The following PTPRD variants were observed in gnomAD, a reference collection of about 807,000 sequenced individuals.
The protein encoded by PTPRD is protein tyrosine phosphatase receptor type D, also known as receptor-type tyrosine-protein phosphatase delta.
In PTPRD, 34 loss-of-function variants were observed where a neutral mutation model predicts 214.5. The observed-to-expected ratio is 0.16, with a 90% CI of 0.12 to 0.21. The LOEUF is 0.21. PTPRD is among the 10% of genes least tolerant of loss of function. The pLI is 1.00. For synonymous variants in PTPRD, 1,128 were observed against 845.7 expected, an observed-to-expected ratio of 1.33 and a Z score of -5.79; for missense variants, 2,545 against 2,398.7, an observed-to-expected ratio of 1.06 and a Z score of -1.27.
intron 11 of PTPRD, among the ~76,000 whole-genome samples, chr9:8,766,699 C>T (rs2154480593): frequency 6.6e-6 from 1 of 152,298 alleles, no homozygotes; most frequent in Non-Finnish European, 1.5e-5. Flanking sequence ...CCACTAGGAG[C>T]ATCATCACTC....
intron 9 of PTPRD, among the ~76,000 whole-genome samples, chr9:9,306,091 A>G (rs1214492459): frequency 5.3e-5 from 8 of 152,206 alleles, no homozygotes; most frequent in Admixed American, 4.6e-4. Flanking sequence ...AACAGAGCCC[A>G]GGAAATATGA....
chr9:9,932,470 G>T (rs1462876010), intron 5 of PTPRD, among the ~76,000 whole-genome samples: 1 of 143,938 alleles, frequency 6.9e-6, no homozygotes, highest in Non-Finnish European at 1.5e-5. Context: ...TGGAAGAAAG[G>T]GTATCAGCAA....
chr9:8,759,724 A>G (rs868743970), intron 11 of PTPRD, among the ~76,000 whole-genome samples: 3 of 150,506 alleles, frequency 2.0e-5, no homozygotes, highest in African/African-American at 4.9e-5. Flanking sequence ...CATCAAGACT[A>G]TATCTTCTTC....
At chr9:9,324,621 T>C (rs545861469) in intron 9 of PTPRD, among the ~76,000 whole-genome samples, 1 of 152,340 alleles carries the variant, frequency 6.6e-6, no homozygotes, top group East Asian at 1.9e-4. Flanking sequence ...ATTGCAAAAG[T>C]TTTCTCCCAT....
chr9:10,391,685 G>A (rs1015923996), intron 2 of PTPRD, among the ~76,000 whole-genome samples: 1 of 151,526 alleles, frequency 6.6e-6, no homozygotes, highest in African/African-American at 2.4e-5. Flanking sequence ...GCTTCTAGTG[G>A]GTTCCCCAGA....
intron 7 of PTPRD, among the ~76,000 whole-genome samples, chr9:9,669,412 G>C (rs1048272778): frequency 2.0e-5 from 3 of 152,150 alleles, no homozygotes; most frequent in African/African-American, 7.2e-5. Flanking sequence ...ATTATTGAAA[G>C]AAGGAGACCA....
chr9:9,194,446 G>C (rs936696990), intron 9 of PTPRD, among the ~76,000 whole-genome samples: 8 of 152,066 alleles, frequency 5.3e-5, no homozygotes, highest in African/African-American at 1.7e-4. Flanking sequence ...GCATAGGTTT[G>C]TTTACACCAG....
chr9:8,455,583 G>A (rs1392568453), intron 33 of PTPRD, among the ~76,000 whole-genome samples: 1 of 152,100 alleles, frequency 6.6e-6, no homozygotes, highest in Non-Finnish European at 1.5e-5. Flanking sequence ...CTGGCCCTGT[G>A]AGATAATTCA....
At chr9:9,890,515 A>C (rs2072907596) in intron 5 of PTPRD, among the ~76,000 whole-genome samples, 1 of 152,040 alleles carries the variant, frequency 6.6e-6, no homozygotes, top group South Asian at 2.1e-4. Context: ...CTTCATATTA[A>C]ACTTTTACTA....
At chr9:9,576,913 T>G (rs9408770) in intron 7 of PTPRD, among the ~76,000 whole-genome samples, 56,629 of 151,890 alleles carry the variant, frequency 0.37, 11,126 homozygotes, top group African/African-American at 0.48. Context: ...AACATAAAAA[T>G]CACATAAAGA....
chr9:8,686,372 A>C (rs2097681612), intron 12 of PTPRD, among the ~76,000 whole-genome samples: 1 of 152,228 alleles, frequency 6.6e-6, no homozygotes, highest in African/African-American at 2.4e-5. Context: ...CACATGTTGC[A>C]TTTGTGAATG....
At chr9:8,509,114 C>T (rs2097611440) in intron 21 of PTPRD, among the ~76,000 whole-genome samples, 1 of 151,976 alleles carries the variant, frequency 6.6e-6, no homozygotes, top group Non-Finnish European at 1.5e-5. Flanking sequence ...AGTACCTGCC[C>T]AGTGGGTGAC....
intron 11 of PTPRD, among the ~76,000 whole-genome samples, chr9:8,918,921 G>T (rs1349598631): frequency 1.3e-5 from 2 of 152,026 alleles, no homozygotes; most frequent in African/African-American, 2.4e-5. Flanking sequence ...TTTTAATTAG[G>T]AATGGTCTGT....
chr9:9,504,336 T>C (rs1417721594), intron 8 of PTPRD, among the ~76,000 whole-genome samples: 4 of 151,802 alleles, frequency 2.6e-5, no homozygotes, highest in East Asian at 1.9e-4. Flanking sequence ...ATTCCAGATA[T>C]AGAGATTTCA....
intron 9 of PTPRD, among the ~76,000 whole-genome samples, chr9:9,324,063 C>G (rs949108704): frequency 5.9e-5 from 9 of 152,142 alleles, no homozygotes; most frequent in African/African-American, 2.2e-4. Flanking sequence ...AGTATATGTG[C>G]CACATTTTCT....
At chr9:10,398,942 T>C (rs751450494) in intron 2 of PTPRD, among the ~76,000 whole-genome samples, 6 of 151,940 alleles carry the variant, frequency 3.9e-5, no homozygotes, top group African/African-American at 7.2e-5. Flanking sequence ...GAGCCAAAAA[T>C]TGTGCTTGAT....
intron 21 of PTPRD, among the ~76,000 whole-genome samples, chr9:8,509,329 T>A (rs116890761): frequency 1.9e-4 from 29 of 152,336 alleles, no homozygotes; most frequent in Non-Finnish European, 3.8e-4. Context: ...GGGAAAATTA[T>A]GATAGGACCT....
intron 3 of PTPRD, among the ~76,000 whole-genome samples, chr9:10,158,822 G>A (rs1592716532): frequency 6.6e-6 from 1 of 152,130 alleles, no homozygotes; most frequent in African/African-American, 2.4e-5. Context: ...CAGGATATTT[G>A]TATTTTCCTC....
chr9:9,263,408 C>A (rs770737881), intron 9 of PTPRD, among the ~76,000 whole-genome samples: 2 of 151,506 alleles, frequency 1.3e-5, no homozygotes, highest in Non-Finnish European at 1.5e-5. Flanking sequence ...TATAAATGAA[C>A]GATGATAGTA....
Sources: gnomAD v4.1 joint callset for allele counts (sites outside exome capture counted in the v4.1 genomes callset) on GRCh38, gnomAD v4.1.1 for gene constraint, MANE v1.5 for transcripts, NCBI Gene and HGNC (gene_info 2026-07-23, HGNC 2026-07-21) for gene names.